Variants in ADGRB3 observed in about 807,000 individuals in gnomAD.
The protein encoded by ADGRB3 is adhesion G protein-coupled receptor B3, also known as brain-specific angiogenesis inhibitor 3.
Under a neutral mutation model 193.4 loss-of-function variants are expected in ADGRB3, and 37 were observed. That is an observed-to-expected ratio of 0.19 (90% CI 0.15 to 0.25). The LOEUF (loss-of-function observed/expected upper bound fraction) is 0.25, where lower values mean the gene tolerates loss of function less well. Ranked by LOEUF, ADGRB3 falls within the 10% of genes least tolerant of loss-of-function variation. The pLI is 1.00. For synonymous variants in ADGRB3, 690 were observed against 644.2 expected (o/e 1.07, Z -1.08); for missense variants, 1,637 against 1,852.9 (o/e 0.88, Z 2.14).
chr6:69,208,479 T>C (rs543315927), intron 17 of ADGRB3, among the ~76,000 whole-genome samples: 35 of 152,276 alleles, frequency 2.3e-4, no homozygotes, highest in Middle Eastern at 6.8e-3. Flanking sequence ...GCAAAGTATA[T>C]AACCAGGTGC....
intron 16 of ADGRB3, among the ~76,000 whole-genome samples, chr6:69,072,039 A>G: frequency 6.6e-6 from 1 of 152,052 alleles, no homozygotes; most frequent in Non-Finnish European, 1.5e-5. Context: ...AATATTTAGA[A>G]TCCATTCATC....
chr6:69,063,515 T>C (rs1771811362), intron 16 of ADGRB3, among the ~76,000 whole-genome samples: 1 of 151,968 alleles, frequency 6.6e-6, no homozygotes, highest in African/African-American at 2.4e-5. Context: ...CACTATGTGG[T>C]AGGAAAGAAA....
intron 17 of ADGRB3, among the ~76,000 whole-genome samples, chr6:69,094,184 A>G (rs748251292): frequency 2.6e-5 from 4 of 152,116 alleles, no homozygotes; most frequent in Non-Finnish European, 4.4e-5. Flanking sequence ...AGGGAAGGAG[A>G]AAAGTTGAGA....
At chr6:68,738,237 G>T (rs886689041) in intron 3 of ADGRB3, among the ~76,000 whole-genome samples, 7 of 152,150 alleles carry the variant, frequency 4.6e-5, no homozygotes, top group African/African-American at 1.7e-4. Flanking sequence ...TGAGGCTTGT[G>T]CAAACTGATA....
intron 3 of ADGRB3, among the ~76,000 whole-genome samples, chr6:68,669,604 T>TTGTGTGTG (rs59849376): frequency 3.4e-4 from 46 of 134,750 alleles, no homozygotes; most frequent in South Asian, 7.8e-4. Flanking sequence ...TAATACTCCA[T>TTGTGTGTG]TGTGTGTGTG....
At chr6:68,834,155 T>C (rs950642507) in intron 3 of ADGRB3, among the ~76,000 whole-genome samples, 2 of 152,092 alleles carry the variant, frequency 1.3e-5, no homozygotes, top group Admixed American at 6.6e-5. Context: ...GTAAACTCTT[T>C]TATATCATTC....
chr6:68,838,019 G>GA lies in ADGRB3; in HGVS notation c.758-92531dup, dbSNP rs201386839. Among the ~76,000 whole-genome samples, 1,499 of 150,512 alleles carry GA rather than the reference G, an allele frequency of 1.0e-2. 36 individuals carry two copies. Among genetic ancestry groups the GA allele is most frequent in the African/African-American group, 0.031 (1,289 of 41,070 alleles). On this transcript the variant is annotated intron_variant, in intron 3 of 31. Coordinates refer to ENST00000370598, the MANE Select transcript of ADGRB3 (RefSeq NM_001704.3). ...ACACTTCTGTTTTCCTTTTTATGTG[G>GA]AAAAAAAAATCAGAGGAAAACTCAG... is the stretch of plus-strand genomic sequence containing the variant.
intron 13 of ADGRB3, among the ~76,000 whole-genome samples, chr6:69,040,650 C>T (rs1247134922): frequency 2.8e-5 from 3 of 107,554 alleles, no homozygotes; most frequent in Non-Finnish European, 5.1e-5. Flanking sequence ...CCCAGAGATG[C>T]CCAGGCTTTG....
At chr6:69,294,537 G>C (rs901515616) in intron 20 of ADGRB3, among the ~76,000 whole-genome samples, 1 of 151,970 alleles carries the variant, frequency 6.6e-6, no homozygotes, top group Non-Finnish European at 1.5e-5. Flanking sequence ...GCAGCCTTTG[G>C]GTTCTCTACA....
chr6:69,093,274 G>A (rs769540408), intron 17 of ADGRB3, among the ~76,000 whole-genome samples: 19 of 151,536 alleles, frequency 1.3e-4, no homozygotes, highest in Non-Finnish European at 2.4e-4. Flanking sequence ...TTGGTTCAGC[G>A]GGAGAGGGTT....
intron 26 of ADGRB3, among the ~76,000 whole-genome samples, chr6:69,347,251 A>G (rs987746803): frequency 2.0e-5 from 3 of 152,142 alleles, no homozygotes; most frequent in Non-Finnish European, 2.9e-5. Context: ...AGAAATACCT[A>G]ATGTAGATGA....
intron 24 of ADGRB3, among the ~76,000 whole-genome samples, chr6:69,334,827 A>G (rs963282671): frequency 2.0e-5 from 3 of 152,184 alleles, no homozygotes; most frequent in Admixed American, 1.3e-4. Context: ...AGCTGTGTCT[A>G]TGTGCCTTTG....
chr6:68,902,461 G>A (rs1346976851), intron 3 of ADGRB3, among the ~76,000 whole-genome samples: 1 of 151,872 alleles, frequency 6.6e-6, no homozygotes, highest in Admixed American at 6.6e-5. Context: ...AATAATTAAG[G>A]AATATTGACT....
intron 3 of ADGRB3, among the ~76,000 whole-genome samples, chr6:68,858,592 C>CAAAAAAAAA (rs11458724): frequency 1.1e-5 from 1 of 93,462 alleles, no homozygotes; most frequent in Non-Finnish European, 2.0e-5. Flanking sequence ...GACCCTGACT[C>CAAAAAAAAA]AAAAAAAAAA....
chr6:69,149,253 CTG>C (rs1398210229), intron 17 of ADGRB3, among the ~76,000 whole-genome samples: 3 of 151,764 alleles, frequency 2.0e-5, no homozygotes, highest in South Asian at 2.1e-4. Context: ...TTTCCTCTGA[CTG>C]TGTATTTTCA....
intron 3 of ADGRB3, among the ~76,000 whole-genome samples, chr6:68,754,613 A>C (rs193089423): frequency 5.4e-4 from 82 of 152,254 alleles, no homozygotes; most frequent in African/African-American, 1.7e-3. Context: ...GCAGAATTGG[A>C]AATAAGTGTG....
At chr6:68,779,661 G>C (rs1405179856) in intron 3 of ADGRB3, among the ~76,000 whole-genome samples, 1 of 151,990 alleles carries the variant, frequency 6.6e-6, no homozygotes, top group East Asian at 1.9e-4. Flanking sequence ...ATTAATCTAG[G>C]CTAATCACAG....
chr6:68,942,923 C>T (rs760805485), intron 5 of ADGRB3, among the ~76,000 whole-genome samples: 1 of 152,130 alleles, frequency 6.6e-6, no homozygotes, highest in Non-Finnish European at 1.5e-5. Flanking sequence ...AATACTGAAT[C>T]TTCATGGTCT....
At chr6:68,831,696 C>A (rs62418570) in intron 3 of ADGRB3, among the ~76,000 whole-genome samples, 2 of 151,880 alleles carry the variant, frequency 1.3e-5, no homozygotes, top group Non-Finnish European at 2.9e-5. Context: ...TGGAAGTCAA[C>A]GTGGAAATAG....
Sources: gnomAD v4.1 joint callset for allele counts (sites outside exome capture counted in the v4.1 genomes callset) on GRCh38, gnomAD v4.1.1 for gene constraint, MANE v1.5 for transcripts, NCBI Gene and HGNC (gene_info 2026-07-23, HGNC 2026-07-21) for gene names.